CNTNAP3: variants seen among roughly 807,000 people sequenced by gnomAD.
CNTNAP3 encodes contactin-associated protein-like 3.
A neutral mutation model predicts 92.1 loss-of-function variants in CNTNAP3; 36 were observed. The ratio of observed to expected loss-of-function variants is 0.39; its 90% CI spans 0.30 to 0.52. The LOEUF is 0.52. CNTNAP3 is among the 20% of genes least tolerant of loss of function. CNTNAP3 has a pLI of 0.76. For missense variants in CNTNAP3, 534 were observed against 1,069.6 expected (o/e 0.50, Z 6.98); for synonymous variants, 232 against 422.3 (o/e 0.55, Z 5.53).
At chr9:39,136,735 T>C (rs1821446483) in intron 12 of CNTNAP3, among the ~76,000 whole-genome samples, 1 of 152,028 alleles carries the variant, frequency 6.6e-6, no homozygotes. Context: ...ACCCTGTCTG[T>C]ACTAAAAATA....
chr9:39,174,676 C>T lies in CNTNAP3; in HGVS notation c.1071+1273G>A. 3 of 654,920 alleles carry T rather than the reference C, an allele frequency of 4.6e-6. No individual in the cohort carries two copies. In the South Asian group the frequency reaches 4.8e-5, roughly 11 times the overall value. The allele number at this position is 654,920 out of a possible 1,614,324, so 40.6% of individuals were successfully genotyped here. ...CAACTTGGATATTTCAAACTTTAAA[C>T]ATTGAAAGAAGTTTATTAACTGATT... On this transcript the variant is annotated intron_variant, in intron 7 of 23. Transcript: ENST00000297668.
intron 23 of CNTNAP3, among the ~76,000 whole-genome samples, chr9:39,077,430 G>A (rs868404436): frequency 1.3e-5 from 2 of 151,866 alleles, no homozygotes; most frequent in Non-Finnish European, 2.9e-5. Context: ...GGTGGCGGGC[G>A]CCTGTAGTTT....
chr9:39,070,499 G>C lies in CNTNAP3; in HGVS notation c.*3391C>G, dbSNP rs1346333000. The stretch of plus-strand genomic sequence containing the variant: ...TTCATGGATATAGAGTAGAAGGATG[G>C]TTAGTAAAGGCTGAAAAAAGTAGTA... On this transcript the variant is annotated 3_prime_UTR_variant, in exon 24 of 24. Transcript: ENST00000297668. Among the ~76,000 whole-genome samples the C allele has an allele frequency of 6.9e-6, 1 of 145,862 alleles. No homozygotes were observed. Among genetic ancestry groups the C allele is most frequent in the Non-Finnish European group, 1.5e-5 (1 of 66,790 alleles).
At chr9:39,128,679 T>G (rs187596729) in intron 13 of CNTNAP3, among the ~76,000 whole-genome samples, 14 of 152,136 alleles carry the variant, frequency 9.2e-5, no homozygotes, top group Admixed American at 3.9e-4. Context: ...GTCTAGCTAC[T>G]GCAATAAAGC....
At chr9:39,129,367 A>G (rs1821223320) in intron 13 of CNTNAP3, among the ~76,000 whole-genome samples, 1 of 152,190 alleles carries the variant, frequency 6.6e-6, no homozygotes, top group Non-Finnish European at 1.5e-5. Flanking sequence ...TTAAAATGCA[A>G]TTCAATGCAG....
chr9:39,118,622 TG>T (rs1406979333), intron 13 of CNTNAP3, among the ~76,000 whole-genome samples: 2 of 152,166 alleles, frequency 1.3e-5, no homozygotes, highest in African/African-American at 4.8e-5. Context: ...AATTATGAAA[TG>T]TTCATTGAGA....
At chr9:39,146,900 C>T (rs377057109) in intron 10 of CNTNAP3, among the ~76,000 whole-genome samples, 26 of 150,816 alleles carry the variant, frequency 1.7e-4, no homozygotes, top group South Asian at 4.2e-4. Flanking sequence ...ATTAGTGATA[C>T]GGTTTGGCTG....
intron 13 of CNTNAP3, among the ~76,000 whole-genome samples, chr9:39,125,969 C>A (rs1185308307): frequency 1.3e-5 from 2 of 152,104 alleles, no homozygotes; most frequent in Non-Finnish European, 2.9e-5. Context: ...TGAACAGCAC[C>A]ATCAATCAAC....
chr9:39,139,197 G>A (rs551466335), intron 12 of CNTNAP3, among the ~76,000 whole-genome samples: 14 of 152,240 alleles, frequency 9.2e-5, no homozygotes, highest in Admixed American at 8.5e-4. Context: ...TTTGTCAGTA[G>A]ATACTTCCCT....
intron 13 of CNTNAP3, among the ~76,000 whole-genome samples, chr9:39,127,606 T>C (rs2118019434): frequency 6.6e-6 from 1 of 152,236 alleles, no homozygotes; most frequent in East Asian, 1.9e-4. Context: ...GCTGGAGACA[T>C]CAAACAAATA....
intron 9 of CNTNAP3, among the ~76,000 whole-genome samples, chr9:39,152,673 G>T: frequency 2.9e-5 from 4 of 139,954 alleles, no homozygotes; most frequent in African/African-American, 5.5e-5. Context: ...TTTTTTTTTT[G>T]AGACCTGAGT....
intron 10 of CNTNAP3, among the ~76,000 whole-genome samples, chr9:39,147,504 G>A (rs1222264554): frequency 9.2e-5 from 14 of 152,080 alleles, no homozygotes; most frequent in African/African-American, 2.2e-4. Flanking sequence ...AGTCTTCTAC[G>A]TTACTGACTT....
At chr9:39,145,945 A>G (rs1378157712) in intron 10 of CNTNAP3, among the ~76,000 whole-genome samples, 1 of 145,716 alleles carries the variant, frequency 6.9e-6, no homozygotes, top group Admixed American at 6.8e-5. Flanking sequence ...ATAATGGAGC[A>G]TCTTAAGATC....
At chr9:39,112,529 C>T (rs1007642286) in intron 14 of CNTNAP3, among the ~76,000 whole-genome samples, 1 of 152,066 alleles carries the variant, frequency 6.6e-6, no homozygotes, top group African/African-American at 2.4e-5. Flanking sequence ...CTATGCTCAG[C>T]TAATTTTTGT....
chr9:39,098,400 A>G (rs183826760), intron 18 of CNTNAP3, among the ~76,000 whole-genome samples: 2,102 of 152,064 alleles, frequency 0.014, 61 homozygotes, highest in African/African-American at 0.047. Flanking sequence ...ATAAAATATA[A>G]AGAATTTACT....
rs1264448445 is a variant in CNTNAP3, at chr9:39,080,918, G to A, written c.3443-1998C>T. On this transcript the variant is annotated intron_variant, in intron 21 of 23. Coordinates refer to ENST00000297668, the MANE Select transcript of CNTNAP3 (RefSeq NM_033655.5). ...TTGACCTTGTGATCTGCCCACCTCG[G>A]CCTCCCAAAGTGTCAGGATTACAGG... 3.6e-5 allele frequency among the ~76,000 whole-genome samples: 5 copies of A among 139,728 alleles called. 2 individuals are homozygous for A. Among genetic ancestry groups the A allele is most frequent in the African/African-American group, 1.3e-4 (5 of 37,752 alleles). The allele number at this position is 139,728 out of a possible 152,430, so 91.7% of individuals were successfully genotyped here.
At chr9:39,136,543 T>A (rs1821440790) in intron 12 of CNTNAP3, among the ~76,000 whole-genome samples, 2 of 152,198 alleles carry the variant, frequency 1.3e-5, no homozygotes, top group South Asian at 2.1e-4. Context: ...TGAAGAGAAG[T>A]CGCTGTAATA....
At chr9:39,168,211 G>T (rs1456636313) in intron 8 of CNTNAP3, among the ~76,000 whole-genome samples, 2 of 145,008 alleles carry the variant, frequency 1.4e-5, no homozygotes, top group East Asian at 4.1e-4. Context: ...TAGAGATGGG[G>T]TTTCACCGTG....
At chr9:39,099,043 C>T (rs1826391248) in intron 18 of CNTNAP3, among the ~76,000 whole-genome samples, 1 of 151,386 alleles carries the variant, frequency 6.6e-6, no homozygotes, top group African/African-American at 2.4e-5. Context: ...GGTGCGATCT[C>T]TACTCACTGC....
Sources: gnomAD v4.1 joint callset for allele counts (sites outside exome capture counted in the v4.1 genomes callset) on GRCh38, gnomAD v4.1.1 for gene constraint, MANE v1.5 for transcripts, NCBI Gene and HGNC (gene_info 2026-07-23, HGNC 2026-07-21) for gene names.